Variants in AK7 observed in about 807,000 individuals in gnomAD.
AK7 encodes the protein adenylate kinase 7.
A neutral mutation model predicts 96.6 loss-of-function variants in AK7; 78 were observed. That is an observed-to-expected ratio of 0.81 (90% CI 0.67 to 0.97). The LOEUF is 0.97. Ranked by LOEUF, AK7 falls within the 50% of genes least tolerant of loss-of-function variation. The pLI is 0.00. For missense variants in AK7, 855 were observed against 887.9 expected (o/e 0.96, Z 0.47); for synonymous variants, 302 against 317.2 (o/e 0.95, Z 0.51).
At chr14:96,426,693 A>G (rs1346711349) in intron 5 of AK7, among the ~76,000 whole-genome samples, 1 of 151,940 alleles carries the variant, frequency 6.6e-6, no homozygotes, top group Non-Finnish European at 1.5e-5. Context: ...TCTAGGTGAA[A>G]GTTTTTTTCC....
At chr14:96,435,422 C>A (rs145100439) in intron 5 of AK7, among the ~76,000 whole-genome samples, 609 of 152,140 alleles carry the variant, frequency 4.0e-3, no homozygotes, top group Non-Finnish European at 7.4e-3. Flanking sequence ...AGACAAAGTC[C>A]CCCCTACTCT....
chr14:96,468,296 CTTTT>C (rs67009492), intron 12 of AK7, among the ~76,000 whole-genome samples: 2 of 98,552 alleles, frequency 2.0e-5, no homozygotes, highest in South Asian at 3.5e-4. Context: ...GCACTCTTTC[CTTTT>C]TTTTTTTTTT....
At chr14:96,437,209 A>G (rs1892687620) in intron 5 of AK7, among the ~76,000 whole-genome samples, 1 of 152,176 alleles carries the variant, frequency 6.6e-6, no homozygotes, top group African/African-American at 2.4e-5. Flanking sequence ...CTTAAAGAGT[A>G]TAATTGGAGT....
chr14:96,404,929 A>T, intron 3 of AK7, 64 bp downstream of exon 3: 1 of 1,204,492 alleles, frequency 8.3e-7, no homozygotes, highest in Non-Finnish European at 1.2e-6. Context: ...TTCACCTAAT[A>T]GTCATCTAGG....
At chr14:96,422,743 A>T (rs8013273) in intron 5 of AK7, among the ~76,000 whole-genome samples, 1 of 152,198 alleles carries the variant, frequency 6.6e-6, no homozygotes, top group South Asian at 2.1e-4. Context: ...AATAGTCAGG[A>T]GCATTTCATC....
intron 1 of AK7, among the ~76,000 whole-genome samples, chr14:96,394,869 C>T (rs1889973956): frequency 6.6e-6 from 1 of 152,058 alleles, no homozygotes; most frequent in Non-Finnish European, 1.5e-5. Context: ...CCAGCTACTC[C>T]AGAGGCCGAG....
At chr14:96,395,421 G>A (rs1890009434) in intron 1 of AK7, among the ~76,000 whole-genome samples, 1 of 152,092 alleles carries the variant, frequency 6.6e-6, no homozygotes, top group Non-Finnish European at 1.5e-5. Context: ...GAAGAAGAGG[G>A]GCTGGTCTCA....
intron 5 of AK7, chr14:96,423,709 C>G: frequency 1.4e-6 from 1 of 691,954 alleles, no homozygotes; most frequent in South Asian, 1.4e-5. Flanking sequence ...TCCCAGACAG[C>G]TGCTCCTACA....
chr14:96,456,389 T>C lies in AK7; in HGVS notation c.1141T>C (p.Ser381Pro). The stretch of plus-strand genomic sequence containing the variant: ...TCTTGGTCCCCCTGCTGTGGGAAAA[T>C]CCAGTATTGCTAAAGAATTGGCCAA... The part of the protein sequence containing the change: ...CILGPPAVGK[S>P]SIAKELANYY... Residue 381 changes from serine (S) to proline (P), a missense_variant, in exon 11 of 18, where the codon TCC (serine) becomes CCC (proline). Coordinates refer to ENST00000267584, the MANE Select transcript of AK7 (RefSeq NM_152327.5). 6.2e-7 allele frequency: 1 copy of C among 1,613,630 alleles called. No homozygotes were observed. Among genetic ancestry groups the C allele is most frequent in the Non-Finnish European group, 8.5e-7 (1 of 1,179,702 alleles).
chr14:96,436,238 T>G (rs1892628159), intron 5 of AK7, among the ~76,000 whole-genome samples: 1 of 152,192 alleles, frequency 6.6e-6, no homozygotes, highest in South Asian at 2.1e-4. Context: ...TAAGTCTGTC[T>G]TACAATTTTT....
chr14:96,404,579 T>C (rs1890598373), intron 2 of AK7, among the ~76,000 whole-genome samples, 178 bp from the exon 3 acceptor site: 1 of 152,234 alleles, frequency 6.6e-6, no homozygotes. Flanking sequence ...TCTTTGTTAC[T>C]TGAAAACTAC....
At chr14:96,428,032 T>C (rs58739496) in intron 5 of AK7, among the ~76,000 whole-genome samples, 15,186 of 152,202 alleles carry the variant, frequency 0.1, 913 homozygotes, top group East Asian at 0.16. Flanking sequence ...GTTACATATG[T>C]ATACATGTCC....
chr14:96,419,250 A>C (rs1439583381), intron 4 of AK7, among the ~76,000 whole-genome samples: 1 of 152,210 alleles, frequency 6.6e-6, no homozygotes. Flanking sequence ...CTGCACATGC[A>C]ATGTCCTTTT....
chr14:96,458,238 C>T (rs756477570), intron 12 of AK7, 26 bp downstream of exon 12: 36 of 1,609,944 alleles, frequency 2.2e-5, no homozygotes, highest in Middle Eastern at 3.3e-4. Context: ...CAGAGAGCCA[C>T]GCTGCTCTTG....
chr14:96,487,982 G>A (rs1156291143), intron 17 of AK7: 8 of 395,920 alleles, frequency 2.0e-5, no homozygotes, highest in African/African-American at 6.3e-5. Context: ...GCACAATCTC[G>A]GCTTACTGCA....
At chr14:96,445,694 G>GA (rs906540461) in intron 7 of AK7, among the ~76,000 whole-genome samples, 1 of 151,752 alleles carries the variant, frequency 6.6e-6, no homozygotes, top group Non-Finnish European at 1.5e-5. Context: ...AATAAATATA[G>GA]AAAAAAAGAA....
rs1272950265 is a variant in AK7 at position 96,442,733 on chromosome 14, G to T, written c.694G>T (p.Ala232Ser). 2 of 1,613,856 alleles carry T rather than the reference G, an allele frequency of 1.2e-6. No homozygotes were observed. The highest frequency in any genetic ancestry group is 2.7e-5 in the African/African-American group (2 of 74,920). ...ATTTTGCTTTTCTTCCTTTCAGATG[G>T]CTTGGTTGGGCGAGATTCCTGCATT... ...GGMLHTFFKM[A>S]WLGEIPALPV... Residue 232 changes from alanine (A) to serine (S), a missense_variant, in exon 7 of 18, where the codon GCT becomes TCT. Physicochemically the swap from Ala to Ser is moderately conservative, Grantham distance 99. Coordinates refer to ENST00000267584, the MANE Select transcript of AK7 (RefSeq NM_152327.5).
chr14:96,411,999 C>T (rs1891058529), intron 4 of AK7, among the ~76,000 whole-genome samples: 1 of 152,184 alleles, frequency 6.6e-6, no homozygotes, highest in Non-Finnish European at 1.5e-5. Flanking sequence ...GCTTCTGTCT[C>T]TTTGTCATTG....
chr14:96,468,189 G>A (rs1894683694), intron 12 of AK7, among the ~76,000 whole-genome samples: 1 of 140,610 alleles, frequency 7.1e-6, no homozygotes, highest in Admixed American at 7.3e-5. Flanking sequence ...CTGCACTCTA[G>A]CCTGAGTGAC....
Sources: allele counts gnomAD v4.1 joint callset (sites outside exome capture counted in the v4.1 genomes callset), GRCh38; gene constraint gnomAD v4.1.1; transcripts MANE v1.5; gene names NCBI Gene and HGNC (gene_info 2026-07-23, HGNC 2026-07-21).